SEMA6D: variants seen among roughly 807,000 people sequenced by gnomAD.
The protein encoded by SEMA6D is semaphorin-6D.
A neutral mutation model predicts 106.6 loss-of-function variants in SEMA6D; 35 were observed. The observed-to-expected ratio is 0.33, with a 90% CI of 0.25 to 0.44. The LOEUF (loss-of-function observed/expected upper bound fraction) is 0.44, where lower values mean the gene tolerates loss of function less well. SEMA6D is among the 20% of genes least tolerant of loss of function. The pLI is 1.00. For synonymous variants in SEMA6D, 499 were observed against 487.7 expected (o/e 1.02, Z -0.31); for missense variants, 1,185 against 1,345.9 (o/e 0.88, Z 1.87).
At chr15:47,623,527 C>T (rs2077146647) in intron 4 of SEMA6D, among the ~76,000 whole-genome samples, 1 of 152,148 alleles carries the variant, frequency 6.6e-6, no homozygotes, top group African/African-American at 2.4e-5. Flanking sequence ...TACTAGGATG[C>T]ATCATCAAGC....
At chr15:47,458,347 G>T (rs960821099) in intron 2 of SEMA6D, among the ~76,000 whole-genome samples, 6 of 151,788 alleles carry the variant, frequency 4.0e-5, no homozygotes, top group Admixed American at 3.9e-4. Context: ...CTTAAACAAT[G>T]TTATCAACTA....
At chr15:47,613,631 C>A (rs568904214) in intron 4 of SEMA6D, among the ~76,000 whole-genome samples, 1 of 151,960 alleles carries the variant, frequency 6.6e-6, no homozygotes, top group Non-Finnish European at 1.5e-5. Context: ...CATTCAGAGA[C>A]CCCCAAAACT....
chr15:47,648,589 C>T (rs1029859443), intron 4 of SEMA6D, among the ~76,000 whole-genome samples: 1 of 152,114 alleles, frequency 6.6e-6, no homozygotes, highest in Non-Finnish European at 1.5e-5. Flanking sequence ...AAGGTATGAT[C>T]GTAGGAGGTG....
intron 3 of SEMA6D, among the ~76,000 whole-genome samples, chr15:47,587,666 T>C (rs2076366182): frequency 6.6e-6 from 1 of 152,196 alleles, no homozygotes; most frequent in African/African-American, 2.4e-5. Context: ...CTACCCTGTG[T>C]TTGTAAGCAG....
intron 2 of SEMA6D, among the ~76,000 whole-genome samples, chr15:47,441,183 G>C (rs1350179322): frequency 6.6e-6 from 1 of 152,020 alleles, no homozygotes. Context: ...CACCTAAATA[G>C]ATCACCTGTC....
At chr15:47,300,938 G>A (rs2035995058) in intron 1 of SEMA6D, among the ~76,000 whole-genome samples, 1 of 152,152 alleles carries the variant, frequency 6.6e-6, no homozygotes, top group South Asian at 2.1e-4. Flanking sequence ...GCATCTTATT[G>A]CCTGCAAGAA....
chr15:47,333,083 G>A (rs12913499), intron 1 of SEMA6D, among the ~76,000 whole-genome samples: 1 of 152,154 alleles, frequency 6.6e-6, no homozygotes. Context: ...TCATCGTTGT[G>A]TATTGTTTTT....
chr15:47,203,907 A>G (rs908422100), intron 1 of SEMA6D, among the ~76,000 whole-genome samples: 1 of 152,224 alleles, frequency 6.6e-6, no homozygotes, highest in African/African-American at 2.4e-5. Flanking sequence ...GTATGTTTAC[A>G]TAGAAGTTAA....
At chr15:47,355,768 T>G (rs1162636150) in intron 1 of SEMA6D, among the ~76,000 whole-genome samples, 7 of 152,234 alleles carry the variant, frequency 4.6e-5, no homozygotes. Context: ...CCTTTTCTAA[T>G]GATTTATATT....
intron 1 of SEMA6D, among the ~76,000 whole-genome samples, chr15:47,307,592 GTAATGGCCA>G (rs112636390): frequency 0.027 from 4,103 of 152,142 alleles, 186 homozygotes; most frequent in African/African-American, 0.093. Flanking sequence ...ATTACCTTTG[GTAATGGCCA>G]GATTTCAGAA....
intron 4 of SEMA6D, among the ~76,000 whole-genome samples, chr15:47,614,812 G>T (rs1035876626): frequency 6.6e-6 from 1 of 152,218 alleles, no homozygotes; most frequent in Non-Finnish European, 1.5e-5. Flanking sequence ...ATGTGTGACA[G>T]TGACAATTTA....
At chr15:47,408,842 T>G (rs1440320686) in intron 1 of SEMA6D, among the ~76,000 whole-genome samples, 4 of 152,214 alleles carry the variant, frequency 2.6e-5, no homozygotes, top group Non-Finnish European at 4.4e-5. Flanking sequence ...GCCTCTGTCT[T>G]GGGGAGTAGG....
At chr15:47,417,103 G>A (rs1003278218) in intron 2 of SEMA6D, among the ~76,000 whole-genome samples, 6 of 152,008 alleles carry the variant, frequency 3.9e-5, no homozygotes, top group African/African-American at 1.2e-4. Context: ...TGAGGGGAAA[G>A]GGGAGTTATA....
At position 47,432,943 on chromosome 15, in the gene SEMA6D, C is replaced by A. The variant is rs139969021; in HGVS notation, c.-159+20471C>A. On this transcript the variant is annotated intron_variant, in intron 2 of 19. Transcript: ENST00000558014. ...CATCAAAAACTTAATGAGCTTTTTT[C>A]TTCTTAAAGATTGGGTAAAATGATT... 2.0e-3 allele frequency among the ~76,000 whole-genome samples: 311 copies of A among 152,112 alleles called. 2 individuals carry two copies. Among genetic ancestry groups the A allele is most frequent in the African/African-American group, 7.1e-3 (296 of 41,544 alleles).
chr15:47,575,999 A>T (rs962293463), intron 3 of SEMA6D, among the ~76,000 whole-genome samples: 2 of 152,246 alleles, frequency 1.3e-5, no homozygotes, highest in Non-Finnish European at 2.9e-5. Flanking sequence ...AGATTTACCC[A>T]AATGAGACAT....
chr15:47,628,791 G>A (rs945129397), intron 4 of SEMA6D, among the ~76,000 whole-genome samples: 5 of 151,996 alleles, frequency 3.3e-5, no homozygotes, highest in African/African-American at 1.2e-4. Context: ...AACATTTAGT[G>A]TCAAGGCCAT....
At chr15:47,234,221 A>C (rs2032397677) in intron 1 of SEMA6D, among the ~76,000 whole-genome samples, 1 of 152,030 alleles carries the variant, frequency 6.6e-6, no homozygotes, top group Admixed American at 6.6e-5. Flanking sequence ...AAGAAGACCC[A>C]AAGCAATCAC....
intron 1 of SEMA6D, among the ~76,000 whole-genome samples, chr15:47,741,679 G>A (rs765823369): frequency 6.6e-6 from 1 of 151,874 alleles, no homozygotes; most frequent in Non-Finnish European, 1.5e-5. Flanking sequence ...GTGCCATTGC[G>A]CTCCAGCCTG....
At chr15:47,506,503 G>T (rs963546209) in intron 3 of SEMA6D, among the ~76,000 whole-genome samples, 1 of 151,918 alleles carries the variant, frequency 6.6e-6, no homozygotes, top group Non-Finnish European at 1.5e-5. Flanking sequence ...CAGGCTGGGG[G>T]AAAATCCAAG....
Sources: gnomAD v4.1 joint callset for allele counts (sites outside exome capture counted in the v4.1 genomes callset) on GRCh38, gnomAD v4.1.1 for gene constraint, MANE v1.5 for transcripts, NCBI Gene and HGNC (gene_info 2026-07-23, HGNC 2026-07-21) for gene names.